The following ROBO2 variants were observed in gnomAD, a reference collection of about 807,000 sequenced individuals.
The protein encoded by ROBO2 is roundabout guidance receptor 2, also known as roundabout homolog 2.
A neutral mutation model predicts 160.8 loss-of-function variants in ROBO2; 53 were observed. The ratio of observed to expected loss-of-function variants is 0.33; its 90% CI spans 0.26 to 0.41. The LOEUF is 0.41. ROBO2 is among the 10% of genes least tolerant of loss of function. ROBO2 has a pLI of 1.00. For synonymous variants in ROBO2, 664 were observed against 611.7 expected (o/e 1.09, Z -1.26); for missense variants, 1,577 against 1,722.4 (o/e 0.92, Z 1.49).
intron 2 of ROBO2, among the ~76,000 whole-genome samples, chr3:76,510,466 G>A (rs571960411): frequency 3.9e-4 from 59 of 152,198 alleles, no homozygotes; most frequent in Non-Finnish European, 6.0e-4. Context: ...GCTCACGTCT[G>A]TAATCCCAGC....
At chr3:75,908,087 G>A (rs1946428785) in intron 1 of ROBO2, among the ~76,000 whole-genome samples, 2 of 151,990 alleles carry the variant, frequency 1.3e-5, no homozygotes, top group African/African-American at 4.8e-5. Flanking sequence ...AAATCGGTGG[G>A]CATACAGTTA....
intron 2 of ROBO2, among the ~76,000 whole-genome samples, chr3:77,111,638 C>A (rs562527414): frequency 6.6e-6 from 1 of 151,804 alleles, no homozygotes; most frequent in Non-Finnish European, 1.5e-5. Flanking sequence ...TGTTACATCG[C>A]AGTTTTTTAG....
intron 6 of ROBO2, among the ~76,000 whole-genome samples, chr3:77,525,140 C>A (rs1013451683): frequency 1.3e-5 from 2 of 150,684 alleles, no homozygotes; most frequent in African/African-American, 2.4e-5. Flanking sequence ...TTTATTAGAA[C>A]AGGGTCAACT....
intron 2 of ROBO2, among the ~76,000 whole-genome samples, chr3:76,692,911 T>A (rs1576014376): frequency 6.6e-6 from 1 of 151,216 alleles, no homozygotes; most frequent in South Asian, 2.1e-4. Flanking sequence ...ATATATATAG[T>A]GTGTGTGTAT....
intron 2 of ROBO2, among the ~76,000 whole-genome samples, chr3:76,207,898 AG>A (rs1458373995): frequency 2.0e-5 from 3 of 152,168 alleles, no homozygotes; most frequent in Non-Finnish European, 2.9e-5. Flanking sequence ...CCAGTGTGGG[AG>A]GTGATTGAGT....
intron 2 of ROBO2, among the ~76,000 whole-genome samples, chr3:76,148,665 C>G (rs560738059): frequency 6.6e-6 from 1 of 152,184 alleles, no homozygotes; most frequent in Admixed American, 6.6e-5. Flanking sequence ...TGTATTTGAA[C>G]TTGCTGCCTT....
intron 2 of ROBO2, among the ~76,000 whole-genome samples, chr3:76,540,356 TG>T (rs1271531420): frequency 1.2e-4 from 19 of 152,202 alleles, no homozygotes; most frequent in Admixed American, 5.9e-4. Context: ...TTGAACTTAA[TG>T]CAATAGCTAA....
chr3:76,243,545 G>A (rs1357623426), intron 2 of ROBO2, among the ~76,000 whole-genome samples: 14 of 152,200 alleles, frequency 9.2e-5, no homozygotes, highest in Admixed American at 9.2e-4. Flanking sequence ...CTCTGGGAGA[G>A]ACCCACTCTT....
intron 2 of ROBO2, among the ~76,000 whole-genome samples, chr3:76,225,979 AT>A (rs1047694181): frequency 2.0e-5 from 3 of 152,156 alleles, no homozygotes; most frequent in African/African-American, 7.2e-5. Flanking sequence ...ATTGTTCAAC[AT>A]TGCCCAAATG....
At chr3:76,080,168 C>A (rs145107136) in intron 2 of ROBO2, among the ~76,000 whole-genome samples, 1 of 152,252 alleles carries the variant, frequency 6.6e-6, no homozygotes, top group East Asian at 1.9e-4. Flanking sequence ...CTAATCAGAG[C>A]TTATAAGCCT....
At chr3:77,287,185 C>T (rs17771441) in intron 2 of ROBO2, among the ~76,000 whole-genome samples, 46,856 of 152,104 alleles carry the variant, frequency 0.31, 8,673 homozygotes, top group Middle Eastern at 0.46. Flanking sequence ...TGCACACTTA[C>T]TAACACATTC....
chr3:77,587,370 T>G (rs1194964529), intron 16 of ROBO2, among the ~76,000 whole-genome samples: 1 of 152,056 alleles, frequency 6.6e-6, no homozygotes, highest in Non-Finnish European at 1.5e-5. Context: ...AGGCTAATTT[T>G]CTGCCTTGGA....
chr3:77,044,381 G>A (rs1211202142), intron 1 of ROBO2, among the ~76,000 whole-genome samples: 3 of 152,112 alleles, frequency 2.0e-5, no homozygotes, highest in Admixed American at 2.0e-4. Flanking sequence ...GTCTACAGGA[G>A]GTACATTTAC....
chr3:76,489,033 C>G (rs191514930), intron 2 of ROBO2, among the ~76,000 whole-genome samples: 397 of 129,796 alleles, frequency 3.1e-3, no homozygotes, highest in African/African-American at 0.011. Flanking sequence ...TGCAGTTAGC[C>G]AAGATCGCAC....
intron 2 of ROBO2, among the ~76,000 whole-genome samples, chr3:76,566,413 G>C (rs896080709): frequency 6.6e-6 from 1 of 152,012 alleles, no homozygotes; most frequent in Non-Finnish European, 1.5e-5. Context: ...GGATTTCCTC[G>C]GGCTTCTGTG....
At chr3:77,494,810 T>G (rs1442443992) in intron 5 of ROBO2, among the ~76,000 whole-genome samples, 1 of 152,236 alleles carries the variant, frequency 6.6e-6, no homozygotes, top group Non-Finnish European at 1.5e-5. Context: ...ATAAACTGGA[T>G]TCAAATGCAT....
intron 2 of ROBO2, among the ~76,000 whole-genome samples, chr3:76,171,068 C>T (rs1268344696): frequency 6.6e-6 from 1 of 152,106 alleles, no homozygotes; most frequent in Non-Finnish European, 1.5e-5. Flanking sequence ...GGTAAAGATC[C>T]AAACTTAATT....
chr3:77,220,740 A>T (rs2085672677), intron 2 of ROBO2, among the ~76,000 whole-genome samples: 1 of 152,148 alleles, frequency 6.6e-6, no homozygotes, highest in African/African-American at 2.4e-5. Context: ...CATCTGACTC[A>T]TGAAGAGAGA....
intron 2 of ROBO2, among the ~76,000 whole-genome samples, chr3:76,320,912 C>A (rs894234515): frequency 6.6e-6 from 1 of 152,176 alleles, no homozygotes; most frequent in South Asian, 2.1e-4. Flanking sequence ...TCATATGGAA[C>A]AACGTAGATA....
Sources: gnomAD v4.1 joint callset for allele counts (sites outside exome capture counted in the v4.1 genomes callset) on GRCh38, gnomAD v4.1.1 for gene constraint, MANE v1.5 for transcripts, NCBI Gene and HGNC (gene_info 2026-07-23, HGNC 2026-07-21) for gene names.